Variants in EXOC2 observed in about 807,000 individuals in gnomAD.
The protein encoded by EXOC2 is exocyst complex component 2.
A neutral mutation model predicts 131.8 loss-of-function variants in EXOC2; 70 were observed. The observed-to-expected ratio is 0.53, with a 90% CI of 0.44 to 0.65. The LOEUF is 0.65. Ranked by LOEUF, EXOC2 falls within the 30% of genes least tolerant of loss-of-function variation. The pLI is 0.00. For synonymous variants in EXOC2, 411 were observed against 398.4 expected, an observed-to-expected ratio of 1.03 and a Z score of -0.38; for missense variants, 923 against 1,108.6, an observed-to-expected ratio of 0.83 and a Z score of 2.38.
intron 4 of EXOC2, among the ~76,000 whole-genome samples, chr6:626,492 A>G (rs1761574511): frequency 6.6e-6 from 1 of 152,200 alleles, no homozygotes; most frequent in Admixed American, 6.5e-5. Context: ...CTAGACCGTC[A>G]GCTGTCGAGA....
intron 23 of EXOC2, among the ~76,000 whole-genome samples, chr6:517,979 A>G (rs1409619148): frequency 6.6e-6 from 1 of 152,212 alleles, no homozygotes; most frequent in East Asian, 1.9e-4. Flanking sequence ...GTGACTCAAG[A>G]GAGGTTTATT....
At chr6:652,035 G>T (rs1280341428) in intron 1 of EXOC2, among the ~76,000 whole-genome samples, 1 of 146,146 alleles carries the variant, frequency 6.8e-6, no homozygotes, top group Admixed American at 6.8e-5. Context: ...CAGCCTGGGC[G>T]ACAGAGTGAG....
At chr6:684,619 C>G (rs9504749) in intron 1 of EXOC2, among the ~76,000 whole-genome samples, 1 of 151,962 alleles carries the variant, frequency 6.6e-6, no homozygotes, top group African/African-American at 2.4e-5. Flanking sequence ...TTTTCTGCAA[C>G]AGAAGTCAGA....
intron 12 of EXOC2, among the ~76,000 whole-genome samples, chr6:576,124 T>C (rs1185180847): frequency 1.3e-5 from 2 of 152,220 alleles, no homozygotes; most frequent in East Asian, 3.8e-4. Flanking sequence ...ATGTAAGGTA[T>C]TTCTATTAGT....
chr6:579,606 A>C (rs1005337975), intron 11 of EXOC2, among the ~76,000 whole-genome samples: 3 of 152,256 alleles, frequency 2.0e-5, no homozygotes, highest in African/African-American at 7.2e-5. Context: ...CTAGCTTAGA[A>C]ATGTATTTCT....
At chr6:639,397 A>G (rs1397980204) in intron 1 of EXOC2, among the ~76,000 whole-genome samples, 1 of 210 alleles carries the variant, frequency 4.8e-3, no homozygotes, top group Non-Finnish European at 0.017. Context: ...TGCCACTGTG[A>G]GCAGGTGTGC....
chr6:556,660 T>C (rs1470332894), intron 17 of EXOC2, 96 bp from the exon 18 acceptor site: 2 of 1,300,218 alleles, frequency 1.5e-6, no homozygotes, highest in Non-Finnish European at 2.2e-6. Flanking sequence ...CCCCACATTT[T>C]CCAGATTAAT....
intron 1 of EXOC2, 48 bp from the exon 2 acceptor site, chr6:637,909 T>C (rs562175700): frequency 3.9e-4 from 460 of 1,165,580 alleles, no homozygotes; most frequent in Non-Finnish European, 5.4e-4. Context: ...GAGACAAGCA[T>C]TGGCTGAAAA....
chr6:613,014 G>A (rs1455722958), intron 6 of EXOC2, among the ~76,000 whole-genome samples: 2 of 152,088 alleles, frequency 1.3e-5, no homozygotes, highest in Non-Finnish European at 2.9e-5. Flanking sequence ...AGCTCAGGAA[G>A]GCCTTTCACA....
intron 23 of EXOC2, among the ~76,000 whole-genome samples, chr6:514,179 T>G (rs541092403): frequency 1.2e-4 from 19 of 152,350 alleles, no homozygotes; most frequent in African/African-American, 2.6e-4. Context: ...AGTAACCCTT[T>G]TACTGTGGTC....
chr6:545,186 T>G (rs1303831636), intron 22 of EXOC2, among the ~76,000 whole-genome samples: 2 of 147,500 alleles, frequency 1.4e-5, no homozygotes, highest in African/African-American at 2.5e-5. Context: ...AAACTTCAAT[T>G]AAAAATTTAA....
At chr6:552,629 C>A (rs900276954) in intron 21 of EXOC2, among the ~76,000 whole-genome samples, 6 of 151,888 alleles carry the variant, frequency 4.0e-5, no homozygotes, top group South Asian at 2.1e-4. Context: ...TCAACAACAA[C>A]AAAAAAAAAC....
intron 1 of EXOC2, among the ~76,000 whole-genome samples, chr6:673,630 G>C (rs77052367): frequency 6.6e-6 from 1 of 151,998 alleles, no homozygotes; most frequent in African/African-American, 2.4e-5. Flanking sequence ...AGATGCCATC[G>C]GCAAGGAGGG....
chr6:555,203 G>A (rs757603953), intron 20 of EXOC2, 24 bp downstream of exon 20: 2 of 1,397,234 alleles, frequency 1.4e-6, no homozygotes, highest in Admixed American at 3.9e-5. Context: ...ATGCATTAAT[G>A]AGATTAATTT....
chr6:501,814 A>G (rs1302531979), intron 23 of EXOC2, among the ~76,000 whole-genome samples: 1 of 150,544 alleles, frequency 6.6e-6, no homozygotes, highest in Non-Finnish European at 1.5e-5. Flanking sequence ...GTAATTCAAT[A>G]TAATCCAGAA....
intron 17 of EXOC2, among the ~76,000 whole-genome samples, chr6:559,540 G>T (rs890177476): frequency 6.6e-6 from 1 of 152,126 alleles, no homozygotes; most frequent in African/African-American, 2.4e-5. Flanking sequence ...TCATTCATTC[G>T]CAAGGTGCAC....
At chr6:527,230 C>T (rs1765795375) in intron 23 of EXOC2, among the ~76,000 whole-genome samples, 1 of 152,178 alleles carries the variant, frequency 6.6e-6, no homozygotes, top group South Asian at 2.1e-4. Flanking sequence ...ATTACAATTT[C>T]TCCTTATCTC....
chr6:641,747 C>G (rs375993167), intron 1 of EXOC2, among the ~76,000 whole-genome samples: 1 of 152,156 alleles, frequency 6.6e-6, no homozygotes, highest in East Asian at 1.9e-4. Context: ...AACTATTCCT[C>G]TCAATCCTAC....
At chr6:690,010 T>C (rs562876697) in intron 1 of EXOC2, among the ~76,000 whole-genome samples, 36 of 152,232 alleles carry the variant, frequency 2.4e-4, no homozygotes, top group Middle Eastern at 3.4e-3. Flanking sequence ...CAAGGACCAG[T>C]GTATAGTTGC....
Sources: gnomAD v4.1 joint callset for allele counts (sites outside exome capture counted in the v4.1 genomes callset) on GRCh38, gnomAD v4.1.1 for gene constraint, MANE v1.5 for transcripts, NCBI Gene and HGNC (gene_info 2026-07-23, HGNC 2026-07-21) for gene names.